MMP26: variants seen among roughly 807,000 people sequenced by gnomAD.
MMP26 encodes the protein matrix metallopeptidase 26.
In MMP26, 33 loss-of-function variants were observed where a neutral mutation model predicts 31.0. That is an observed-to-expected ratio of 1.06 (90% CI 0.81 to 1.42). The LOEUF is 1.42. MMP26 is among the 40% of genes most tolerant of loss of function. MMP26 has a pLI of 0.00. For missense variants in MMP26, 347 were observed against 316.1 expected, an observed-to-expected ratio of 1.10 and a Z score of -0.74; for synonymous variants, 122 against 114.9, an observed-to-expected ratio of 1.06 and a Z score of -0.40.
chr11:4,770,305 T>C (rs142087652), intron 2 of MMP26, among the ~76,000 whole-genome samples: 1 of 152,322 alleles, frequency 6.6e-6, no homozygotes, highest in African/African-American at 2.4e-5. Flanking sequence ...CAATGAATAA[T>C]AGCCACTTAA....
intron 1 of MMP26, among the ~76,000 whole-genome samples, chr11:4,724,783 A>G (rs977620374): frequency 2.0e-5 from 3 of 152,252 alleles, no homozygotes; most frequent in Admixed American, 6.5e-5. Flanking sequence ...AGACAGAAAA[A>G]TCGCAGATGC....
At chr11:4,841,353 T>C (rs1849793207) in intron 2 of MMP26, among the ~76,000 whole-genome samples, 1 of 151,992 alleles carries the variant, frequency 6.6e-6, no homozygotes, top group Non-Finnish European at 1.5e-5. Flanking sequence ...ACCCCCAAAA[T>C]AACACCTCAA....
chr11:4,843,746 C>T (rs974016879), intron 2 of MMP26, among the ~76,000 whole-genome samples: 1 of 152,182 alleles, frequency 6.6e-6, no homozygotes, highest in East Asian at 1.9e-4. Flanking sequence ...ATGCAGCTGG[C>T]TCTAATTTAT....
chr11:4,792,731 A>G (rs917844367), intron 2 of MMP26, among the ~76,000 whole-genome samples: 1 of 126,608 alleles, frequency 7.9e-6, no homozygotes, highest in African/African-American at 2.5e-5. Flanking sequence ...TATCACATAC[A>G]TGGCTTACAG....
intron 2 of MMP26, among the ~76,000 whole-genome samples, chr11:4,884,436 T>C (rs1850521418): frequency 1.3e-5 from 2 of 152,106 alleles, no homozygotes; most frequent in Admixed American, 1.3e-4. Flanking sequence ...TTTGGTTCTG[T>C]CCTCATCAAA....
At chr11:4,750,700 A>G (rs1260849547) in intron 1 of MMP26, among the ~76,000 whole-genome samples, 1 of 152,080 alleles carries the variant, frequency 6.6e-6, no homozygotes, top group Non-Finnish European at 1.5e-5. Context: ...GTTCTCACTT[A>G]TAAGTAGGGG....
At chr11:4,829,597 T>C (rs1348313159) in intron 2 of MMP26, among the ~76,000 whole-genome samples, 1 of 152,178 alleles carries the variant, frequency 6.6e-6, no homozygotes, top group Non-Finnish European at 1.5e-5. Context: ...GCTGTGACCC[T>C]GGGCATTACT....
chr11:4,776,071 T>C (rs1401034008), intron 2 of MMP26, among the ~76,000 whole-genome samples: 1 of 152,154 alleles, frequency 6.6e-6, no homozygotes, highest in Non-Finnish European at 1.5e-5. Context: ...TCTGAGTTGC[T>C]TCTCTTAAGA....
intron 2 of MMP26, chr11:4,768,850 T>C (rs898984896): frequency 3.9e-6 from 2 of 507,000 alleles, no homozygotes; most frequent in Non-Finnish European, 6.8e-6. Flanking sequence ...ATACAACATA[T>C]TTACTATTTG....
intron 2 of MMP26, chr11:4,937,659 C>G (rs1846147025): frequency 1.3e-5 from 2 of 153,132 alleles, no homozygotes; most frequent in Admixed American, 6.5e-5. Context: ...TAATAAACAC[C>G]AAGTCCAGCA....
In MMP26 at chr11:4,949,680, A is replaced by G. The variant is rs1380832747; in HGVS notation, c.-144-38388A>G. On this transcript the variant is annotated intron_variant, in intron 2 of 7. Coordinates refer to ENST00000380390, the MANE Select transcript of MMP26 (RefSeq NM_021801.5). ...AAGGAATAACAACAAAATCTCCAAA[A>G]AAATGAAGAAAATAAACTGGTAAAA... Among the ~76,000 whole-genome samples, 4 of 123,566 alleles carry G rather than the reference A, an allele frequency of 3.2e-5. 2 individuals are homozygous for G. Among genetic ancestry groups the G allele is most frequent in the Non-Finnish European group, 7.3e-5 (4 of 54,512 alleles). 81.1% of individuals were successfully genotyped at this position (123,566 alleles called of 152,430 possible).
At chr11:4,731,969 T>C (rs990434161) in intron 1 of MMP26, among the ~76,000 whole-genome samples, 1 of 152,192 alleles carries the variant, frequency 6.6e-6, no homozygotes, top group Non-Finnish European at 1.5e-5. Context: ...ATGTTGCCAG[T>C]GAGTTGAAGT....
At chr11:4,907,589 T>C (rs1244453067) in intron 2 of MMP26, 2 of 1,613,946 alleles carry the variant, frequency 1.2e-6, no homozygotes, top group Non-Finnish European at 1.7e-6. Context: ...CATGGGCCTG[T>C]CCCTCTCCTC....
At chr11:4,748,220 A>C (rs1171271612) in intron 1 of MMP26, among the ~76,000 whole-genome samples, 1 of 152,102 alleles carries the variant, frequency 6.6e-6, no homozygotes, top group African/African-American at 2.4e-5. Flanking sequence ...ATTCCTGGAA[A>C]TATAACCTCC....
chr11:4,969,936 C>T (rs1476243986), intron 2 of MMP26, among the ~76,000 whole-genome samples: 3 of 152,026 alleles, frequency 2.0e-5, no homozygotes, highest in African/African-American at 2.4e-5. Context: ...ATTTCATTTA[C>T]AGGCACTCAC....
At chr11:4,934,651 A>G (rs1051716455) in intron 2 of MMP26, among the ~76,000 whole-genome samples, 21 of 144,948 alleles carry the variant, frequency 1.4e-4, no homozygotes, top group African/African-American at 5.3e-4. Flanking sequence ...GTCCTTGCCC[A>G]TGCCTATGTC....
At chr11:4,908,808 T>C (rs1850947128) in intron 2 of MMP26, 1 of 164,508 alleles carries the variant, frequency 6.1e-6, no homozygotes. Flanking sequence ...CTTTGAAAAG[T>C]CTAAATTCAG....
At chr11:4,938,995 C>T (rs1460146023) in intron 2 of MMP26, among the ~76,000 whole-genome samples, 1 of 152,148 alleles carries the variant, frequency 6.6e-6, no homozygotes, top group Non-Finnish European at 1.5e-5. Flanking sequence ...CCATCTACTT[C>T]ATGGTGGAAT....
At chr11:4,915,645 C>T (rs753796803) in intron 2 of MMP26, 2 of 1,611,850 alleles carry the variant, frequency 1.2e-6, no homozygotes, top group Non-Finnish European at 1.7e-6. Context: ...CTGCTGTTTC[C>T]CAGGGATCCC....
Sources: gnomAD v4.1 joint callset for allele counts (sites outside exome capture counted in the v4.1 genomes callset) on GRCh38, gnomAD v4.1.1 for gene constraint, MANE v1.5 for transcripts, NCBI Gene and HGNC (gene_info 2026-07-23, HGNC 2026-07-21) for gene names.